Variants in ARL15 observed in about 807,000 individuals in gnomAD.
The protein encoded by ARL15 is ADP-ribosylation factor-like protein 15.
ARL15 carries 19 observed loss-of-function variants against 25.2 expected under a neutral mutation model. The ratio of observed to expected loss-of-function variants is 0.75; its 90% CI spans 0.53 to 1.10. ARL15 has a LOEUF of 1.10. Among genes scored for constraint, ARL15 ranks in the 50% least tolerant of loss-of-function variants. The pLI, the probability that ARL15 is intolerant of heterozygous loss-of-function variation, is 0.00. For synonymous variants in ARL15, 94 were observed against 86.8 expected (o/e 1.08, Z -0.46); for missense variants, 220 against 246.0 (o/e 0.89, Z 0.71).
At chr5:54,191,422 T>A (rs1327611050) in intron 1 of ARL15, among the ~76,000 whole-genome samples, 1 of 152,094 alleles carries the variant, frequency 6.6e-6, no homozygotes, top group Non-Finnish European at 1.5e-5. Context: ...ATAAATGCAT[T>A]TAATACCACT....
At chr5:53,924,450 A>T (rs1300423241) in intron 4 of ARL15, among the ~76,000 whole-genome samples, 1 of 152,244 alleles carries the variant, frequency 6.6e-6, no homozygotes, top group East Asian at 1.9e-4. Context: ...TACAGAAAAG[A>T]TCTTCTCTGA....
At chr5:54,027,797 A>G (rs1749830037) in intron 4 of ARL15, among the ~76,000 whole-genome samples, 1 of 152,160 alleles carries the variant, frequency 6.6e-6, no homozygotes, top group Admixed American at 6.5e-5. Flanking sequence ...AGGTCAAACA[A>G]TGAGAACAAA....
intron 4 of ARL15, among the ~76,000 whole-genome samples, chr5:53,890,250 C>T (rs376150950): frequency 3.1e-4 from 47 of 151,974 alleles, no homozygotes; most frequent in Middle Eastern, 3.4e-3. Flanking sequence ...TGTTGATGTA[C>T]AGTTTTAAAG....
At chr5:54,280,705 C>T (rs1034789526) in intron 1 of ARL15, among the ~76,000 whole-genome samples, 5 of 152,126 alleles carry the variant, frequency 3.3e-5, no homozygotes, top group Admixed American at 6.5e-5. Context: ...TTCTTCTGTA[C>T]GAAGCAGATG....
chr5:54,207,861 C>G (rs527923977), intron 1 of ARL15, among the ~76,000 whole-genome samples: 1 of 152,346 alleles, frequency 6.6e-6, no homozygotes, highest in Admixed American at 6.5e-5. Flanking sequence ...TCTAGATCCT[C>G]TCTCCGATTT....
In ARL15 at chr5:53,947,170, GTGTGT is replaced by G. The variant is rs1561160935; in HGVS notation, c.463-60462_463-60458del. Among the ~76,000 whole-genome samples the G allele has an allele frequency of 8.7e-3, 397 of 45,424 alleles. 7 individuals are homozygous for G. Among genetic ancestry groups the G allele is most frequent in the South Asian group, 0.057 (104 of 1,836 alleles). 29.8% of individuals were successfully genotyped at this position (45,424 alleles called of 152,430 possible). On this transcript the variant is annotated intron_variant, in intron 4 of 4. Coordinates refer to ENST00000504924, the MANE Select transcript of ARL15 (RefSeq NM_019087.3). ...GCCAAAGAGAAAAATAAATAAGGGT[GTGTGT>G]GTGTGTGTGTGTGTGTGTGTGTGTG...
At chr5:54,199,375 A>G (rs958319728) in intron 1 of ARL15, among the ~76,000 whole-genome samples, 18 of 151,724 alleles carry the variant, frequency 1.2e-4, no homozygotes, top group African/African-American at 4.4e-4. Flanking sequence ...ACAAAATGGG[A>G]GAAAATTTTC....
chr5:53,919,875 T>C (rs2112012531), intron 4 of ARL15, among the ~76,000 whole-genome samples: 1 of 152,356 alleles, frequency 6.6e-6, no homozygotes, highest in Non-Finnish European at 1.5e-5. Flanking sequence ...ATCACTGTCC[T>C]GCCATTTTCT....
At chr5:54,192,141 T>C (rs10940364) in intron 1 of ARL15, among the ~76,000 whole-genome samples, 24,357 of 152,086 alleles carry the variant, frequency 0.16, 2,139 homozygotes, top group Middle Eastern at 0.26. Context: ...GCCCTAGATA[T>C]ACATATGGTT....
At chr5:53,921,581 T>G (rs1745862835) in intron 4 of ARL15, among the ~76,000 whole-genome samples, 1 of 152,192 alleles carries the variant, frequency 6.6e-6, no homozygotes, top group African/African-American at 2.4e-5. Context: ...AAGACCAGCC[T>G]GGCCAACATG....
At chr5:53,928,732 G>A (rs190810764) in intron 4 of ARL15, among the ~76,000 whole-genome samples, 104 of 152,202 alleles carry the variant, frequency 6.8e-4, no homozygotes, top group Admixed American at 5.2e-3. Flanking sequence ...AGTGGCTGTC[G>A]GGTGATTGGT....
At position 53,950,482 on chromosome 5, in the gene ARL15, A is replaced by C. The variant is rs192122336; in HGVS notation, c.463-63769T>G. Among the ~76,000 whole-genome samples, 683 of 152,296 alleles carry C rather than the reference A, an allele frequency of 4.5e-3. 6 individuals are homozygous for C. The highest frequency in any genetic ancestry group is 0.016 in the African/African-American group (655 of 41,572). On this transcript the variant is annotated intron_variant, in intron 4 of 4. Coordinates refer to ENST00000504924, the MANE Select transcript of ARL15 (RefSeq NM_019087.3). ...AATTCTCTATTTTGGTGGCTAAGCTAACACAATCTACTCACAGCTTTTTTT... is the reference window on the plus strand; with the variant it reads ...AATTCTCTATTTTGGTGGCTAAGCTCACACAATCTACTCACAGCTTTTTTT...
chr5:54,054,700 G>A (rs1045994744), intron 4 of ARL15, among the ~76,000 whole-genome samples: 2 of 152,192 alleles, frequency 1.3e-5, no homozygotes, highest in African/African-American at 4.8e-5. Flanking sequence ...TGAGGCAGGA[G>A]GATGGCGTGA....
intron 1 of ARL15, among the ~76,000 whole-genome samples, chr5:54,210,269 CA>C (rs199932745): frequency 0.018 from 2,730 of 152,262 alleles, 35 homozygotes; most frequent in Non-Finnish European, 0.025. Context: ...TCCTCCCAAT[CA>C]AATTATAATT....
intron 4 of ARL15, among the ~76,000 whole-genome samples, chr5:54,069,558 C>CAAAAAAAAA: frequency 2.1e-5 from 1 of 48,076 alleles, no homozygotes; most frequent in Non-Finnish European, 3.2e-5. Context: ...CAAAACGTCT[C>CAAAAAAAAA]AAAAAAAAAA....
At chr5:53,908,958 A>C (rs1745365304) in intron 4 of ARL15, among the ~76,000 whole-genome samples, 1 of 152,212 alleles carries the variant, frequency 6.6e-6, no homozygotes, top group Admixed American at 6.5e-5. Flanking sequence ...ATACATGCTT[A>C]TCATATCCCA....
intron 4 of ARL15, among the ~76,000 whole-genome samples, chr5:54,018,246 A>G (rs2111823810): frequency 6.6e-6 from 1 of 152,144 alleles, no homozygotes; most frequent in Non-Finnish European, 1.5e-5. Flanking sequence ...GGTTTAGTGG[A>G]TTGATTTATA....
intron 3 of ARL15, among the ~76,000 whole-genome samples, chr5:54,138,417 G>A (rs1753669960): frequency 6.6e-6 from 1 of 152,148 alleles, no homozygotes; most frequent in Non-Finnish European, 1.5e-5. Flanking sequence ...AATATAAATT[G>A]AGAAAAGGAC....
chr5:54,236,658 G>T (rs532716730), intron 1 of ARL15, among the ~76,000 whole-genome samples: 3 of 152,300 alleles, frequency 2.0e-5, no homozygotes, highest in South Asian at 2.1e-4. Context: ...AATTCTACTG[G>T]TCCTTTATAA....
Sources: gnomAD v4.1 joint callset for allele counts (sites outside exome capture counted in the v4.1 genomes callset) on GRCh38, gnomAD v4.1.1 for gene constraint, MANE v1.5 for transcripts, NCBI Gene and HGNC (gene_info 2026-07-23, HGNC 2026-07-21) for gene names.